The following MACF1 variants were observed in gnomAD, a reference collection of about 807,000 sequenced individuals.
MACF1 encodes microtubule-actin cross-linking factor 1.
In MACF1, 193 loss-of-function variants were observed where a neutral mutation model predicts 854.8. That is an observed-to-expected ratio of 0.23 (90% CI 0.20 to 0.25). The LOEUF is 0.25. Ranked by LOEUF, MACF1 falls within the 10% of genes least tolerant of loss-of-function variation. The probability of loss-of-function intolerance (pLI) is 1.00; values close to 1 mark genes in which losing one functional copy is unlikely to be tolerated. For synonymous variants in MACF1, 3,185 were observed against 3,226.7 expected, an observed-to-expected ratio of 0.99 and a Z score of 0.44; for missense variants, 7,722 against 8,929.1, an observed-to-expected ratio of 0.86 and a Z score of 5.45.
At chr1:39,326,573 CG>C (rs911710845) in intron 35 of MACF1, among the ~76,000 whole-genome samples, 4 of 149,418 alleles carry the variant, frequency 2.7e-5, no homozygotes, top group African/African-American at 7.4e-5. Flanking sequence ...CCCAGCTACT[CG>C]GGAGGCTGAG....
chr1:39,173,498 A>G (rs1643981728), intron 2 of MACF1, among the ~76,000 whole-genome samples: 1 of 152,152 alleles, frequency 6.6e-6, no homozygotes, highest in African/African-American at 2.4e-5. Flanking sequence ...ATCCTCTTCC[A>G]CCTACCACTT....
chr1:39,414,350 C>T (rs779294843), intron 58 of MACF1: 1 of 1,614,000 alleles, frequency 6.2e-7, no homozygotes, highest in South Asian at 1.1e-5. Flanking sequence ...CTAGAGGAGG[C>T]TTCCTCCACT....
In MACF1 at chr1:39,385,764, A is replaced by G. The variant is rs1193116609; in HGVS notation, c.14179A>G (p.Ser4727Gly). ...EAVKQQLEET[S>G]EIRSDLEQLD... ...TGTAAAGCAGCAATTGGAAGAGACC[A>G]GTGAAATTCGATCTGACTTGGAGCA... Residue 4727 changes from serine to glycine, a missense_variant, in exon 57 of 101, where the codon AGT (serine) becomes GGT (glycine). Ser to Gly is a moderately conservative substitution (Grantham distance 56, BLOSUM62 0). Around this residue, in one of 15 missense-constraint regions of MACF1, gnomAD observed 2,807 missense variants for 3,235.8 expected, o/e 0.87. Coordinates refer to ENST00000564288, the MANE Select transcript of MACF1 (RefSeq NM_001394062.1). 3.1e-6 allele frequency: 5 copies of G among 1,614,194 alleles called. No homozygotes were observed. Among genetic ancestry groups the G allele is most frequent in the Admixed American group, 1.7e-5 (1 of 60,026 alleles).
intron 52 of MACF1, among the ~76,000 whole-genome samples, chr1:39,377,201 G>A (rs1649796987): frequency 6.6e-6 from 1 of 151,554 alleles, no homozygotes; most frequent in Admixed American, 6.6e-5. Flanking sequence ...AATAGAGATG[G>A]GGTTTCACCG....
At chr1:39,297,034 C>T (rs1645934133) in intron 20 of MACF1, among the ~76,000 whole-genome samples, 1 of 151,924 alleles carries the variant, frequency 6.6e-6, no homozygotes, top group Non-Finnish European at 1.5e-5. Flanking sequence ...TGCCATTCTC[C>T]TGCCTCAGCC....
intron 87 of MACF1, 117 bp from the exon 88 acceptor site, chr1:39,453,590 C>G (rs926341531): frequency 4.8e-5 from 40 of 838,686 alleles, no homozygotes; most frequent in Non-Finnish European, 5.0e-5. Context: ...TTTTAGAGGT[C>G]TGCGTTAACA....
At chr1:39,342,536 C>CTTTTTT (rs1422574585) in intron 40 of MACF1, among the ~76,000 whole-genome samples, 1 of 133,622 alleles carries the variant, frequency 7.5e-6, no homozygotes, top group African/African-American at 2.8e-5. Context: ...GGTTGGCAAA[C>CTTTTTT]TTTTTTTTTT....
intron 2 of MACF1, among the ~76,000 whole-genome samples, chr1:39,122,175 C>G (rs1642731256): frequency 6.6e-6 from 1 of 151,982 alleles, no homozygotes; most frequent in African/African-American, 2.4e-5. Context: ...TTCTTTTTAA[C>G]CAGGGATCCA....
At chr1:39,294,367 G>A (rs1228236568) in intron 18 of MACF1, among the ~76,000 whole-genome samples, 1 of 152,170 alleles carries the variant, frequency 6.6e-6, no homozygotes, top group African/African-American at 2.4e-5. Context: ...TGCAAATAGG[G>A]AGTTTCTTGT....
At chr1:39,139,457 A>G (rs1239578018) in intron 2 of MACF1, among the ~76,000 whole-genome samples, 4 of 152,056 alleles carry the variant, frequency 2.6e-5, no homozygotes, top group Non-Finnish European at 5.9e-5. Flanking sequence ...GGGTTTCACC[A>G]TGTTGGCCAG....
At chr1:39,422,006 C>A (rs1624820) in intron 58 of MACF1, among the ~76,000 whole-genome samples, 8,424 of 151,740 alleles carry the variant, frequency 0.056, 299 homozygotes, top group African/African-American at 0.098. Context: ...ACCCGAGAGG[C>A]GGAGCTTGCA....
chr1:39,372,516 T>C lies in MACF1; in HGVS notation c.13133T>C (p.Val4378Ala), dbSNP rs1649337485. The change falls in exon 52 of 101, where the codon GTG becomes GCG. Residue 4378 changes from valine (V) to alanine (A), a missense_variant. By Grantham distance (64) the Val-to-Ala change is moderately conservative. This residue lies in a region of MACF1 where 2,807 missense variants were observed against 3,235.8 expected (regional missense o/e 0.87). Transcript: ENST00000564288. ...GACTGGGCAAGTAAGGGAACTCTGG[T>C]GGAAGAAATCAATTGCAAAGGTACT... ...LDDWASKGTL[V>A]EEINCKGTSL... 6.2e-7 allele frequency: 1 copy of C among 1,613,772 alleles called. No homozygotes were observed. Among genetic ancestry groups the C allele is most frequent in the South Asian group, 1.1e-5 (1 of 91,062 alleles).
chr1:39,463,616 C>T lies in MACF1; in HGVS notation c.21683C>T (p.Thr7228Ile). The T allele has an allele frequency of 6.2e-7, 1 of 1,612,930 alleles. No individual in the cohort carries two copies. Among genetic ancestry groups the T allele is most frequent in the Non-Finnish European group, 8.5e-7 (1 of 1,179,114 alleles). The change falls in exon 94 of 101, where the codon ACA (threonine) becomes ATA (isoleucine). Residue 7228 changes from threonine (T) to isoleucine (I), a missense_variant. Transcript: ENST00000564288. ...TDADKIEDEV[T>I]RQVAQCKCAK... ...CTTTTTGTTCACACCCAATAGGTTA[C>T]AAGACAAGTGGCTCAGTGCAAATGT... is the stretch of plus-strand genomic sequence containing the variant.
intron 2 of MACF1, among the ~76,000 whole-genome samples, chr1:39,174,754 T>C (rs553085350): frequency 6.6e-6 from 1 of 152,160 alleles, no homozygotes; most frequent in Admixed American, 6.5e-5. Context: ...AACCAAGGTA[T>C]AGAGAAAGGG....
chr1:39,354,875 A>G (rs2148507847), intron 44 of MACF1, among the ~76,000 whole-genome samples: 1 of 152,338 alleles, frequency 6.6e-6, no homozygotes, highest in African/African-American at 2.4e-5. Flanking sequence ...TCATTTATTT[A>G]TTCATTTAGT....
At chr1:39,262,118 A>G (rs1347707301) in intron 6 of MACF1, among the ~76,000 whole-genome samples, 2 of 152,042 alleles carry the variant, frequency 1.3e-5, no homozygotes, top group Admixed American at 1.3e-4. Flanking sequence ...TGGAAGATAC[A>G]CGGCTGAGTG....
intron 6 of MACF1, 69 bp downstream of exon 6, chr1:39,258,097 C>A: frequency 8.4e-7 from 1 of 1,190,826 alleles, no homozygotes; most frequent in Non-Finnish European, 1.3e-6. Context: ...GCACTGCCTT[C>A]CACAGACAGC....
chr1:39,258,168 A>C, intron 6 of MACF1, 140 bp downstream of exon 6: 1 of 734,184 alleles, frequency 1.4e-6, no homozygotes, highest in Non-Finnish European at 2.4e-6. Flanking sequence ...TGGAAAGGAA[A>C]ATTAAGATTG....
chr1:39,093,567 C>A (rs1641864623), intron 2 of MACF1, among the ~76,000 whole-genome samples: 1 of 146,408 alleles, frequency 6.8e-6, no homozygotes, highest in African/African-American at 2.5e-5. Flanking sequence ...CTCACTGCAA[C>A]TTCTGCCTGC....
Sources: allele counts gnomAD v4.1 joint callset (sites outside exome capture counted in the v4.1 genomes callset), GRCh38; gene constraint gnomAD v4.1.1; regional missense constraint gnomAD v4.1.1; transcripts MANE v1.5; gene names NCBI Gene and HGNC (gene_info 2026-07-23, HGNC 2026-07-21).